The following GPR89A variants were observed in gnomAD, a reference collection of about 807,000 sequenced individuals.
The protein encoded by GPR89A is G protein-coupled receptor 89A.
A neutral mutation model predicts 52.0 loss-of-function variants in GPR89A; 16 were observed. The ratio of observed to expected loss-of-function variants is 0.31; its 90% CI spans 0.21 to 0.47. GPR89A has a LOEUF of 0.47. Ranked by LOEUF, GPR89A falls within the 20% of genes least tolerant of loss-of-function variation. The pLI, the probability that GPR89A is intolerant of heterozygous loss-of-function variation, is 1.00. For missense variants in GPR89A, 135 were observed against 449.4 expected, an observed-to-expected ratio of 0.30 and a Z score of 6.33; for synonymous variants, 55 against 150.9, an observed-to-expected ratio of 0.36 and a Z score of 4.66.
At chr1:145,608,246 G>C in intron 1 of GPR89A, 71 bp downstream of exon 1, 3 of 1,596,696 alleles carry the variant, frequency 1.9e-6, no homozygotes, top group Admixed American at 3.3e-5. Context: ...GGTCCTCCGC[G>C]GTGCGGGCTG....
chr1:145,619,302 T>C (rs1282937553), intron 3 of GPR89A, among the ~76,000 whole-genome samples: 1 of 33,750 alleles, frequency 3.0e-5, no homozygotes, highest in African/African-American at 1.6e-4. Context: ...CATTGAAAGG[T>C]TAAAAAAAAA....
chr1:145,648,130 CATA>C (rs1651177490), intron 10 of GPR89A, among the ~76,000 whole-genome samples: 3 of 144,828 alleles, frequency 2.1e-5, no homozygotes, highest in South Asian at 2.2e-4. Flanking sequence ...GTGGTTTTCT[CATA>C]ATATTTTTTA....
At chr1:145,613,445 G>T (rs587701768) in intron 1 of GPR89A, among the ~76,000 whole-genome samples, 1 of 152,094 alleles carries the variant, frequency 6.6e-6, no homozygotes, top group Non-Finnish European at 1.5e-5. Flanking sequence ...TTTCCTTCAA[G>T]TGTGTCTTCC....
rs1559036974 is a variant in GPR89A at position 145,639,363 on chromosome 1, C to T, written c.618-4506C>T. ...GAACAGTATGAGAGGAATTCCTCTA[C>T]CTGATCTTTAAACATATTATATAGC... On this transcript the variant is annotated intron_variant, in intron 7 of 13. Transcript: ENST00000313835. 2.0e-5 allele frequency among the ~76,000 whole-genome samples: 3 copies of T among 152,184 alleles called. No individual in the cohort carries two copies. In the South Asian group the frequency reaches 6.2e-4, roughly 32 times the overall value.
intron 2 of GPR89A, among the ~76,000 whole-genome samples, chr1:145,617,846 G>A (rs2101739124): frequency 6.6e-6 from 1 of 152,224 alleles, no homozygotes; most frequent in South Asian, 2.1e-4. Context: ...GTCATTTCTA[G>A]GATATTCTCC....
chr1:145,635,592 A>T (rs1196998146), intron 7 of GPR89A, among the ~76,000 whole-genome samples: 2 of 152,232 alleles, frequency 1.3e-5, no homozygotes, highest in African/African-American at 4.8e-5. Flanking sequence ...GATTATTCAA[A>T]AGTGAAAGAT....
intron 1 of GPR89A, among the ~76,000 whole-genome samples, chr1:145,609,031 G>A (rs1487794932): frequency 2.6e-5 from 4 of 152,238 alleles, no homozygotes; most frequent in Admixed American, 2.0e-4. Flanking sequence ...CTTGTTCATA[G>A]CTGTATCCCC....
At chr1:145,614,891 G>C (rs1191579844) in intron 1 of GPR89A, among the ~76,000 whole-genome samples, 2 of 151,934 alleles carry the variant, frequency 1.3e-5, no homozygotes, top group Non-Finnish European at 2.9e-5. Flanking sequence ...AGTTCCAGGG[G>C]GCTGAACACA....
chr1:145,610,108 C>A (rs587648797), intron 1 of GPR89A, among the ~76,000 whole-genome samples: 1 of 152,064 alleles, frequency 6.6e-6, no homozygotes, highest in African/African-American at 2.4e-5. Context: ...GCATCTAGAT[C>A]AGTTGCGGGC....
intron 10 of GPR89A, among the ~76,000 whole-genome samples, chr1:145,660,943 A>G (rs1559049424): frequency 6.6e-6 from 1 of 151,960 alleles, no homozygotes; most frequent in Non-Finnish European, 1.5e-5. Flanking sequence ...TGACCCAGCC[A>G]TCCCATTACT....
chr1:145,622,785 A>C (rs1250686971), intron 3 of GPR89A, among the ~76,000 whole-genome samples: 1 of 148,524 alleles, frequency 6.7e-6, no homozygotes, highest in East Asian at 2.0e-4. Flanking sequence ...TGTTAATGGT[A>C]TATGTTGCCT....
intron 5 of GPR89A, 83 bp downstream of exon 5, chr1:145,623,797 C>A: frequency 6.4e-7 from 1 of 1,551,306 alleles, no homozygotes. Context: ...AATTAAATTT[C>A]TTGGGGAAAA....
chr1:145,622,936 T>G, intron 3 of GPR89A, 118 bp from the exon 4 acceptor site: 1 of 1,498,160 alleles, frequency 6.7e-7, no homozygotes, highest in Non-Finnish European at 9.0e-7. Flanking sequence ...GTAGGCTGAT[T>G]AGATAGGATA....
At chr1:145,661,896 A>T (rs2101837772) in intron 10 of GPR89A, among the ~76,000 whole-genome samples, 1 of 150,164 alleles carries the variant, frequency 6.7e-6, no homozygotes, top group South Asian at 2.1e-4. Context: ...TCTTTGATTC[A>T]TGGGTGATTT....
intron 7 of GPR89A, among the ~76,000 whole-genome samples, chr1:145,641,347 T>C (rs1553691704): frequency 6.6e-6 from 1 of 151,800 alleles, no homozygotes; most frequent in Non-Finnish European, 1.5e-5. Context: ...AATTAAGGAA[T>C]TGGAGGTGGG....
At chr1:145,620,769 A>G (rs1309270256) in intron 3 of GPR89A, among the ~76,000 whole-genome samples, 6 of 152,032 alleles carry the variant, frequency 3.9e-5, no homozygotes, top group Non-Finnish European at 8.8e-5. Context: ...AGCAGAGATC[A>G]TATGACTTCC....
intron 1 of GPR89A, among the ~76,000 whole-genome samples, chr1:145,615,270 A>C (rs1388393209): frequency 6.6e-6 from 1 of 152,232 alleles, no homozygotes; most frequent in Non-Finnish European, 1.5e-5. Context: ...TATAAAAAAT[A>C]TTAGGCTTTC....
At chr1:145,668,020 T>C (rs1299640943) in intron 12 of GPR89A, among the ~76,000 whole-genome samples, 157 of 152,358 alleles carry the variant, frequency 1.0e-3, no homozygotes, top group African/African-American at 3.8e-3. Context: ...CCTCCAGCTT[T>C]GTTCTTTTGG....
At chr1:145,632,087 AG>A (rs1649912539) in intron 7 of GPR89A, among the ~76,000 whole-genome samples, 1 of 145,580 alleles carries the variant, frequency 6.9e-6, no homozygotes, top group Non-Finnish European at 1.5e-5. Flanking sequence ...TCTTGAATTT[AG>A]ATCATTCTCC....
Sources: gnomAD v4.1 joint callset for allele counts (sites outside exome capture counted in the v4.1 genomes callset) on GRCh38, gnomAD v4.1.1 for gene constraint, MANE v1.5 for transcripts, NCBI Gene and HGNC (gene_info 2026-07-23, HGNC 2026-07-21) for gene names.